DPRX: variants seen among roughly 807,000 people sequenced by gnomAD.
DPRX encodes the protein divergent paired-related homeobox.
A neutral mutation model predicts 8.4 loss-of-function variants in DPRX; 11 were observed. The ratio of observed to expected loss-of-function variants is 1.31; its 90% CI spans 0.82 to 2.17. The LOEUF (loss-of-function observed/expected upper bound fraction) is 2.17. Among genes scored for constraint, DPRX ranks in the 30% most tolerant of loss-of-function variants. The pLI, the probability that DPRX is intolerant of heterozygous loss-of-function variation, is 0.00. For synonymous variants in DPRX, 72 were observed against 87.0 expected (o/e 0.83, Z 0.96); for missense variants, 211 against 236.7 (o/e 0.89, Z 0.71).
the DPRX span, chr19:53,616,830 C>A: frequency 1.9e-6 from 3 of 1,600,474 alleles, no homozygotes; most frequent in Non-Finnish European, 1.7e-6. Flanking sequence ...GTGTCCCGTT[C>A]TTAGCGCTTG....
chr19:53,620,273 G>A, the DPRX span, among the ~76,000 whole-genome samples: 3 of 151,930 alleles, frequency 2.0e-5, no homozygotes, highest in Non-Finnish European at 2.9e-5. Flanking sequence ...GTTTCACCAT[G>A]TTAGCCAGGA....
chr19:53,630,674 A>T (rs781075541), upstream of DPRX, among the ~76,000 whole-genome samples: 65 of 151,970 alleles, frequency 4.3e-4, no homozygotes, highest in Non-Finnish European at 6.2e-4. Flanking sequence ...CTACAAGCTC[A>T]TTTATGCAAA....
At chr19:53,635,116 G>A (rs1402170531) in intron 2 of DPRX, among the ~76,000 whole-genome samples, 2 of 152,078 alleles carry the variant, frequency 1.3e-5, no homozygotes, top group African/African-American at 4.8e-5. Context: ...GGGACTACAG[G>A]TCTACAGGTG....
At chr19:53,627,568 C>A (rs564335297), upstream of DPRX, among the ~76,000 whole-genome samples, 1 of 151,112 alleles carries the variant, frequency 6.6e-6, no homozygotes, top group South Asian at 2.1e-4. Context: ...TCCCCAGTAG[C>A]TGGGATCACA....
chr19:53,607,241 C>T, the DPRX span, among the ~76,000 whole-genome samples: 1 of 152,156 alleles, frequency 6.6e-6, no homozygotes, highest in Non-Finnish European at 1.5e-5. Flanking sequence ...GGTTCTGCAC[C>T]CCAGGCCCCA....
chr19:53,631,124 G>A (rs2091091013), upstream of DPRX, among the ~76,000 whole-genome samples: 3 of 151,858 alleles, frequency 2.0e-5, no homozygotes, highest in Non-Finnish European at 4.4e-5. Context: ...TGGGATTACA[G>A]GTGTGAGCCA....
chr19:53,624,914 G>A, the DPRX span, among the ~76,000 whole-genome samples: 4 of 151,598 alleles, frequency 2.6e-5, no homozygotes, highest in East Asian at 1.9e-4. Context: ...GCGTGTTCCC[G>A]GTGGTATGGT....
chr19:53,612,178 A>C, the DPRX span, among the ~76,000 whole-genome samples: 34 of 151,712 alleles, frequency 2.2e-4, no homozygotes, highest in Non-Finnish European at 4.3e-4. Context: ...GAGCCCAGGA[A>C]TTCAAGACCA....
the DPRX span, chr19:53,606,575 A>C: frequency 6.6e-6 from 1 of 152,572 alleles, no homozygotes; most frequent in African/African-American, 2.4e-5. The surrounding 1 kb of genome is among the most constrained non-coding windows in gnomAD (Gnocchi z 4.8). Flanking sequence ...CGCCGCTGAG[A>C]CACCAAAATA....
chr19:53,603,829 C>G, the DPRX span, among the ~76,000 whole-genome samples: 1 of 151,582 alleles, frequency 6.6e-6, no homozygotes, highest in Non-Finnish European at 1.5e-5. Context: ...CTGCAACCAC[C>G]CCCGCCTCCC....
the DPRX span, among the ~76,000 whole-genome samples, chr19:53,602,462 T>A: frequency 6.6e-6 from 1 of 151,072 alleles, no homozygotes; most frequent in Non-Finnish European, 1.5e-5. Flanking sequence ...TGGGTTCAAG[T>A]GATTCTCCTG....
At chr19:53,615,283 A>ATT in the DPRX span, among the ~76,000 whole-genome samples, 32 of 145,666 alleles carry the variant, frequency 2.2e-4, no homozygotes, top group East Asian at 2.8e-3. Context: ...GATCTGTCTA[A>ATT]TTTTTTTTTT....
At chr19:53,623,399 G>GATTACGCTTGCCAAAGTA in the DPRX span, among the ~76,000 whole-genome samples, 1 of 152,056 alleles carries the variant, frequency 6.6e-6, no homozygotes, top group African/African-American at 2.4e-5. Flanking sequence ...AGCACTTTGG[G>GATTACGCTTGCCAAAGTA]AGGCCGAGGA....
chr19:53,619,836 C>T, the DPRX span, among the ~76,000 whole-genome samples: 18 of 124,206 alleles, frequency 1.4e-4, no homozygotes, highest in Non-Finnish European at 2.3e-4. Flanking sequence ...GCCTGGGTGA[C>T]AGAGTGAGAC....
chr19:53,619,823 C>A, the DPRX span, among the ~76,000 whole-genome samples: 7 of 148,582 alleles, frequency 4.7e-5, no homozygotes, highest in African/African-American at 1.7e-4. Context: ...CCACTGCACT[C>A]CAGCCTGGGT....
chr19:53,617,767 C>G, the DPRX span, among the ~76,000 whole-genome samples: 1 of 152,086 alleles, frequency 6.6e-6, no homozygotes, highest in South Asian at 2.1e-4. Flanking sequence ...AAATTTATCA[C>G]AGTATTTTCT....
At chr19:53,613,301 G>A in the DPRX span, among the ~76,000 whole-genome samples, 1 of 152,004 alleles carries the variant, frequency 6.6e-6, no homozygotes, top group Non-Finnish European at 1.5e-5. Flanking sequence ...CTCACATATG[G>A]GGTCCAAGAG....
exon 3 of DPRX, chr19:53,636,676 G>C (rs368786641): frequency 2.0e-5 from 33 of 1,613,844 alleles, no homozygotes; most frequent in Non-Finnish European, 2.7e-5. Flanking sequence ...CTCCACAACC[G>C]CCAATACCAG....
At chr19:53,606,271 G>C in the DPRX span, 2 of 152,340 alleles carry the variant, frequency 1.3e-5, no homozygotes, top group Admixed American at 6.5e-5. The surrounding 1 kb of genome is among the most constrained non-coding windows in gnomAD (Gnocchi z 4.8). Flanking sequence ...GCACCCAGGA[G>C]GCTGCATGCA....
Sources: gnomAD v4.1 joint callset for allele counts (sites outside exome capture counted in the v4.1 genomes callset) on GRCh38, gnomAD v4.1.1 for gene constraint, Gnocchi (gnomAD v3.1) non-coding constraint, MANE v1.5 for transcripts, NCBI Gene and HGNC (gene_info 2026-07-23, HGNC 2026-07-21) for gene names.